UMOD: variants seen among roughly 807,000 people sequenced by gnomAD.
The protein encoded by UMOD is Tamm-Horsfall urinary glycoprotein.
In UMOD, 64 loss-of-function variants were observed where a neutral mutation model predicts 66.0. The observed-to-expected ratio is 0.97, with a 90% CI of 0.79 to 1.19. The LOEUF is 1.19. UMOD is among the 50% of genes most tolerant of loss of function. UMOD has a pLI of 0.00. For missense variants in UMOD, 764 were observed against 850.9 expected (o/e 0.90, Z 1.27); for synonymous variants, 398 against 352.7 (o/e 1.13, Z -1.44).
chr16:20,345,095 C>G (rs1050178629), intron 5 of UMOD, among the ~76,000 whole-genome samples: 1 of 152,160 alleles, frequency 6.6e-6, no homozygotes, highest in Non-Finnish European at 1.5e-5. Flanking sequence ...CTCACTGCAA[C>G]CTCTGCTTCC....
chr16:20,341,475 T>G (rs1965215292), intron 6 of UMOD, 139 bp from the exon 7 acceptor site: 1 of 1,495,858 alleles, frequency 6.7e-7, no homozygotes, highest in Non-Finnish European at 9.0e-7. Flanking sequence ...ACCCACCAAC[T>G]GTTGCTTTGC....
chr16:20,333,892 G>A (rs1964726907), intron 10 of UMOD, among the ~76,000 whole-genome samples: 1 of 151,966 alleles, frequency 6.6e-6, no homozygotes, highest in Non-Finnish European at 1.5e-5. Flanking sequence ...AAATTAGCCG[G>A]GCGTGGTGGT....
rs1349251721 is a variant in UMOD, at chr16:20,350,778, T to A, written c.-41A>T. 6.2e-6 allele frequency: 10 copies of A among 1,613,682 alleles called. No homozygotes were observed. The highest frequency in any genetic ancestry group is 8.5e-6 in the Non-Finnish European group (10 of 1,179,832). On this transcript the variant is annotated 5_prime_UTR_variant, in exon 2 of 11. Coordinates refer to ENST00000396138, the MANE Select transcript of UMOD (RefSeq NM_003361.4). ...CGCTACTTCAGGTCTAGATAGCACCTGCCCAAAGGAAAGACGGGTTGGCCC... is the reference window on the plus strand; with the variant it reads ...CGCTACTTCAGGTCTAGATAGCACCAGCCCAAAGGAAAGACGGGTTGGCCC...
chr16:20,356,228 C>T (rs28688991), upstream of UMOD: 39,902 of 152,242 alleles, frequency 0.26, 5,880 homozygotes, highest in African/African-American at 0.4. Context: ...GCTCCAGTTA[C>T]GCCTGGGGGA....
rs1694984552 is a variant in UMOD at position 20,333,220 on chromosome 16, T to C, written c.*94A>G. ...GGCAGGCTGAACAAAGCATGAACTT[T>C]CTTTTCTGTGGCTGGAGCACTGGCC... On this transcript the variant is annotated 3_prime_UTR_variant, in exon 11 of 11. Coordinates refer to ENST00000396138, the MANE Select transcript of UMOD (RefSeq NM_003361.4). 2.3e-6 allele frequency: 3 copies of C among 1,317,790 alleles called. No individual in the cohort carries two copies. The highest frequency in any genetic ancestry group is 3.8e-5 in the Admixed American group (2 of 53,228). The allele number at this position is 1,317,790 out of a possible 1,614,324, so 81.6% of individuals were successfully genotyped here.
chr16:20,333,293 C>T lies in UMOD; in HGVS notation c.*21G>A, dbSNP rs781429256. The T allele has an allele frequency of 6.2e-7, 1 of 1,610,812 alleles. No individual in the cohort carries two copies. Among genetic ancestry groups the T allele is most frequent in the Non-Finnish European group, 8.5e-7 (1 of 1,178,520 alleles). ...AGGAGGTGAGATGGCAGCCATGGAG[C>T]ACAGGGCTTTCCGCTGTCAGTCACT... On this transcript the variant is annotated 3_prime_UTR_variant, in exon 11 of 11. Coordinates refer to ENST00000396138, the MANE Select transcript of UMOD (RefSeq NM_003361.4).
chr16:20,340,454 A>G (rs201080479), intron 7 of UMOD, among the ~76,000 whole-genome samples: 5 of 121,214 alleles, frequency 4.1e-5, no homozygotes, highest in South Asian at 6.3e-4. Flanking sequence ...GTGTGTGTGT[A>G]TATATATGTG....
chr16:20,340,493 T>TATATATATATAA (rs1491178174), intron 7 of UMOD, among the ~76,000 whole-genome samples: 1 of 92,544 alleles, frequency 1.1e-5, no homozygotes, highest in South Asian at 3.2e-4. Context: ...TATATATATA[T>TATATATATATAA]AATACATAAA....
rs770875763 is a variant in UMOD at position 20,341,306 on chromosome 16, G to T, written c.1362C>A (p.Gly454=). The T allele has an allele frequency of 4.3e-5, 70 of 1,613,862 alleles. No homozygotes were observed. Among genetic ancestry groups the T allele is most frequent in the Admixed American group, 1.7e-4 (10 of 59,994 alleles). The change falls in exon 7 of 11, where the codon GGC becomes GGA. Residue 454 remains glycine (G), a synonymous_variant. Transcript: ENST00000396138. The part of the protein sequence containing the change: ...SALNIRVGGT[G]MFTVRMALFQ... ...AGAGCGCCATCCGCACGGTGAACAT[G>T]CCGGTCCCGCCCACTCTGATGTTTA...
chr16:20,340,530 G>C (rs1391510416), intron 7 of UMOD, among the ~76,000 whole-genome samples: 1 of 149,658 alleles, frequency 6.7e-6, no homozygotes, highest in Non-Finnish European at 1.5e-5. Flanking sequence ...CATATGTATT[G>C]ATAATTCATT....
At chr16:20,339,795 G>C (rs1051590820) in intron 7 of UMOD, among the ~76,000 whole-genome samples, 1 of 152,224 alleles carries the variant, frequency 6.6e-6, no homozygotes, top group African/African-American at 2.4e-5. Context: ...AGCTGTGTGA[G>C]GGCAGAGGTT....
At chr16:20,342,782 T>A (rs1965306348) in intron 6 of UMOD, among the ~76,000 whole-genome samples, 1 of 152,194 alleles carries the variant, frequency 6.6e-6, no homozygotes, top group Non-Finnish European at 1.5e-5. Context: ...TTTGATGAGA[T>A]GTTCCAGGCA....
chr16:20,352,738 A>G (rs770366079), upstream of UMOD: 7 of 1,231,490 alleles, frequency 5.7e-6, no homozygotes, highest in Non-Finnish European at 7.1e-6. Context: ...CCTCATACTT[A>G]TATATACACA....
intron 6 of UMOD, 109 bp downstream of exon 6, chr16:20,343,915 C>T (rs1965378445): frequency 2.9e-6 from 4 of 1,380,000 alleles, no homozygotes; most frequent in South Asian, 2.5e-5. Flanking sequence ...CCCTGATTCC[C>T]AGCCCTCACT....
chr16:20,349,970 T>C (rs1292109970), intron 2 of UMOD: 4 of 1,313,552 alleles, frequency 3.0e-6, no homozygotes, highest in Non-Finnish European at 4.0e-6. Context: ...ACTCACTATC[T>C]TGTTGAATAC....
rs775983720 is a variant in UMOD at position 20,344,187 on chromosome 16, G to A, written c.1183-15C>T. The A allele has an allele frequency of 1.9e-6, 3 of 1,558,010 alleles. No individual in the cohort carries two copies. Among genetic ancestry groups the A allele is most frequent in the Admixed American group, 1.7e-5 (1 of 59,390 alleles). ...GTTTCATTCCTCTGTTGCAGGGAAT[G>A]GGGGTGGAGGGGGGGTGGGGATGAG... On this transcript the variant is annotated splice_polypyrimidine_tract_variant and intron_variant, in intron 5 of 10. Coordinates refer to ENST00000396138, the MANE Select transcript of UMOD (RefSeq NM_003361.4).
chr16:20,336,155 A>G (rs1008196409), intron 9 of UMOD, among the ~76,000 whole-genome samples: 11 of 152,204 alleles, frequency 7.2e-5, no homozygotes, highest in African/African-American at 2.4e-4. Context: ...CACTCCTAAG[A>G]TCAGTGCTTG....
chr16:20,334,485 C>G (rs1343676726), intron 10 of UMOD, among the ~76,000 whole-genome samples: 1 of 152,096 alleles, frequency 6.6e-6, no homozygotes, highest in Non-Finnish European at 1.5e-5. Flanking sequence ...TCTGTACATG[C>G]AAATATAAAT....
Position 20,335,471 on chromosome 16 carries a change from C to T in UMOD, c.1861+11G>A. The T allele has an allele frequency of 6.2e-7, 1 of 1,614,048 alleles. No homozygotes were observed. Among genetic ancestry groups the T allele is most frequent in the Non-Finnish European group, 8.5e-7 (1 of 1,179,940 alleles). ...GGAACAGGTCCCACTGCAGAAAGGA[C>T]CTGAACTTACCCAAGCTGCTAAAAG... is the stretch of plus-strand genomic sequence containing the variant. On this transcript the variant is annotated intron_variant, in intron 10 of 10. Coordinates refer to ENST00000396138, the MANE Select transcript of UMOD (RefSeq NM_003361.4).
Sources: gnomAD v4.1 joint callset for allele counts (sites outside exome capture counted in the v4.1 genomes callset) on GRCh38, gnomAD v4.1.1 for gene constraint, MANE v1.5 for transcripts, NCBI Gene and HGNC (gene_info 2026-07-23, HGNC 2026-07-21) for gene names.